Variants in ZSWIM3 observed in about 807,000 individuals in gnomAD.
ZSWIM3 encodes zinc finger SWIM domain-containing protein 3.
Under a neutral mutation model 47.5 loss-of-function variants are expected in ZSWIM3, and 27 were observed. That is an observed-to-expected ratio of 0.57 (90% confidence interval 0.42 to 0.78). The LOEUF (loss-of-function observed/expected upper bound fraction) is 0.78, where lower values mean the gene tolerates loss of function less well. Among genes scored for constraint, ZSWIM3 ranks in the 30% least tolerant of loss-of-function variants. The pLI is 0.00. For missense variants in ZSWIM3, 689 were observed against 861.3 expected, an observed-to-expected ratio of 0.80 and a Z score of 2.50; for synonymous variants, 333 against 333.9, an observed-to-expected ratio of 1.00 and a Z score of 0.03.
intron 1 of ZSWIM3, among the ~76,000 whole-genome samples, chr20:45,865,975 A>G (rs1387406689): frequency 2.1e-5 from 3 of 145,128 alleles, no homozygotes; most frequent in Admixed American, 1.5e-4. Context: ...CCTGGATGAC[A>G]GAGTGAGACT....
Position 45,878,779 on chromosome 20 carries a change from C to A in ZSWIM3, c.*130C>A, listed in dbSNP as rs1986174505. 2.5e-6 allele frequency: 3 copies of A among 1,211,842 alleles called. No individual in the cohort carries two copies. The highest frequency in any genetic ancestry group is 3.4e-6 in the Non-Finnish European group (3 of 888,978). 75.1% of individuals were successfully genotyped at this position (1,211,842 alleles called of 1,614,324 possible). A position where few individuals can be genotyped will look rare whatever the true frequency, so the allele number is the denominator to read the frequency against. ...CTAGGTGGGGCTAGGAATATTGTTA[C>A]AGTAGAGAGGAAGGGAACTCCACTG... is the stretch of plus-strand genomic sequence containing the variant. On this transcript the variant is annotated 3_prime_UTR_variant, in exon 2 of 2. Coordinates refer to ENST00000255152, the MANE Select transcript of ZSWIM3 (RefSeq NM_080752.4).
chr20:45,869,779 T>C (rs1453747734), intron 1 of ZSWIM3, among the ~76,000 whole-genome samples: 2 of 151,888 alleles, frequency 1.3e-5, no homozygotes, highest in East Asian at 3.9e-4. Context: ...GCGTGGTGGC[T>C]CACACCTGTA....
At chr20:45,876,243 T>C (rs1011345087) in intron 1 of ZSWIM3, among the ~76,000 whole-genome samples, 2 of 151,980 alleles carry the variant, frequency 1.3e-5, no homozygotes, top group African/African-American at 4.8e-5. Flanking sequence ...GGTTTCTCCA[T>C]GTTGGTAGTC....
chr20:45,870,855 G>A (rs1254366939), intron 1 of ZSWIM3, among the ~76,000 whole-genome samples: 7 of 151,874 alleles, frequency 4.6e-5, no homozygotes, highest in Admixed American at 6.6e-5. Context: ...CAGCATGCCC[G>A]GCTAATTTTT....
At chr20:45,861,127 A>G (rs879165967) in intron 1 of ZSWIM3, among the ~76,000 whole-genome samples, 1 of 152,144 alleles carries the variant, frequency 6.6e-6, no homozygotes, top group South Asian at 2.1e-4. Context: ...AAAATTTAAA[A>G]TTAGGGGCCA....
In ZSWIM3 at chr20:45,877,164, G is replaced by T; in HGVS notation, c.606G>T (p.Arg202=). 1 of 1,614,132 alleles carries T rather than the reference G, an allele frequency of 6.2e-7. No individual in the cohort carries two copies. Among genetic ancestry groups the T allele is most frequent in the Non-Finnish European group, 8.5e-7 (1 of 1,180,038 alleles). The part of the protein sequence containing the change: ...FSVGDSQHLD[R]LSFQSSKMTD... ...TGGGTGACAGCCAGCACCTGGACCG[G>T]CTCAGCTTCCAGAGCAGTAAGATGA... Residue 202 remains arginine (R), a synonymous_variant, in exon 2 of 2, where the codon CGG becomes CGT. Transcript: ENST00000255152.
At chr20:45,876,674 T>G in intron 1 of ZSWIM3, 40 bp from the exon 2 acceptor site, 3 of 1,573,564 alleles carry the variant, frequency 1.9e-6, no homozygotes, top group Non-Finnish European at 2.6e-6. Context: ...GGGTGGGGGG[T>G]GGTCAGCACC....
At chr20:45,871,687 TAAA>T (rs528243235) in intron 1 of ZSWIM3, among the ~76,000 whole-genome samples, 1 of 130,902 alleles carries the variant, frequency 7.6e-6, no homozygotes, top group Non-Finnish European at 1.7e-5. Flanking sequence ...CCATCTCTAC[TAAA>T]AAAAAAAAAA....
intron 1 of ZSWIM3, chr20:45,872,700 G>C (rs895010673): frequency 2.3e-6 from 3 of 1,287,036 alleles, no homozygotes; most frequent in Non-Finnish European, 2.0e-6. Context: ...TGAAAACAAG[G>C]CTGGAGAGAC....
intron 1 of ZSWIM3, among the ~76,000 whole-genome samples, chr20:45,866,651 A>T (rs1985849426): frequency 6.6e-6 from 1 of 152,008 alleles, no homozygotes; most frequent in Non-Finnish European, 1.5e-5. Flanking sequence ...ACAAAAAATA[A>T]ATTAACTGGT....
intron 1 of ZSWIM3, among the ~76,000 whole-genome samples, chr20:45,865,319 CAAAA>C (rs201175786): frequency 9.9e-6 from 1 of 100,860 alleles, no homozygotes. Flanking sequence ...AACTCTGTCT[CAAAA>C]AAAAAAAAAA....
rs550682099 is a variant in ZSWIM3 at position 45,863,992 on chromosome 20, T to C, written c.155+6012T>C. On this transcript the variant is annotated intron_variant, in intron 1 of 1. Coordinates refer to ENST00000255152, the MANE Select transcript of ZSWIM3 (RefSeq NM_080752.4). The stretch of plus-strand genomic sequence containing the variant: ...CAGCCTGAGCAGCAGAGCGAGACTC[T>C]GTCTCAAAACAACAGCATAAATAAC... Among the ~76,000 whole-genome samples, 8 of 152,270 alleles carry C rather than the reference T, an allele frequency of 5.3e-5. No homozygotes were observed. In the South Asian group the frequency reaches 1.5e-3, roughly 28 times the overall value.
chr20:45,867,485 T>C (rs1010158410), intron 1 of ZSWIM3, among the ~76,000 whole-genome samples: 1 of 152,208 alleles, frequency 6.6e-6, no homozygotes, highest in African/African-American at 2.4e-5. Flanking sequence ...GTTTTGTCTA[T>C]AGTTGATTCC....
chr20:45,869,545 TG>T (rs1456114626), intron 1 of ZSWIM3, among the ~76,000 whole-genome samples: 2 of 151,286 alleles, frequency 1.3e-5, no homozygotes, highest in Non-Finnish European at 3.0e-5. Context: ...GAAATGTGTC[TG>T]GGTATGTTTT....
At chr20:45,870,689 ATT>A (rs56367159) in intron 1 of ZSWIM3, among the ~76,000 whole-genome samples, 2 of 144,246 alleles carry the variant, frequency 1.4e-5, no homozygotes. Context: ...AGTGGAATTT[ATT>A]TTTTTTTTTT....
intron 1 of ZSWIM3, among the ~76,000 whole-genome samples, chr20:45,871,998 G>T (rs961008949): frequency 6.6e-6 from 1 of 152,148 alleles, no homozygotes; most frequent in African/African-American, 2.4e-5. Context: ...TTGAAGGAAG[G>T]CAGCATAATG....
chr20:45,872,619 G>C lies in ZSWIM3; in HGVS notation c.156-4095G>C, dbSNP rs1985998544. 3.1e-6 allele frequency: 3 copies of C among 953,342 alleles called. No homozygotes were observed. The Admixed American group carries it at 8.9e-5, about 28-fold the overall frequency. 59.1% of individuals were successfully genotyped at this position (953,342 alleles called of 1,614,324 possible). A position where few individuals can be genotyped will look rare whatever the true frequency, so the allele number is the denominator to read the frequency against. ...GACAAAGGGACAAACATGCACAAAG[G>C]TGAGACAGAGCATGGTGAACACACA... On this transcript the variant is annotated intron_variant, in intron 1 of 1. Transcript: ENST00000255152.
chr20:45,878,384 A>T lies in ZSWIM3; in HGVS notation c.1826A>T (p.Gln609Leu), dbSNP rs142105449. The change falls in exon 2 of 2, where the codon CAG (glutamine) becomes CTG (leucine). Residue 609 changes from glutamine to leucine, a missense_variant. Coordinates refer to ENST00000255152, the MANE Select transcript of ZSWIM3 (RefSeq NM_080752.4). Reference sequence around the variant, plus strand: ...CGTGGTATGGTCCCAAACACAGGCCAGCCTGAGAAGCAAGGACGGAACGAC... The same window carrying T: ...CGTGGTATGGTCCCAAACACAGGCCTGCCTGAGAAGCAAGGACGGAACGAC... ...QDRGMVPNTG[Q>L]PEKQGRNDMI... 4.7e-4 allele frequency: 758 copies of T among 1,614,254 alleles called. 4 individuals are homozygous for T. The African/African-American group carries it at 8.6e-3, about 18-fold the overall frequency.
At chr20:45,863,896 G>A (rs1356903714) in intron 1 of ZSWIM3, among the ~76,000 whole-genome samples, 1 of 152,186 alleles carries the variant, frequency 6.6e-6, no homozygotes, top group Admixed American at 6.5e-5. Flanking sequence ...TACTCAGGAG[G>A]CTGAGGCAGG....
Sources: allele counts gnomAD v4.1 joint callset (sites outside exome capture counted in the v4.1 genomes callset), GRCh38; gene constraint gnomAD v4.1.1; transcripts MANE v1.5; gene names NCBI Gene and HGNC (gene_info 2026-07-23, HGNC 2026-07-21).